Variants in SLC39A10 observed in about 807,000 individuals in gnomAD.
The protein encoded by SLC39A10 is zinc transporter ZIP10.
Under a neutral mutation model 65.1 loss-of-function variants are expected in SLC39A10, and 13 were observed. The observed-to-expected ratio is 0.20, with a 90% CI of 0.13 to 0.32. The LOEUF (loss-of-function observed/expected upper bound fraction) is 0.32, where lower values mean the gene tolerates loss of function less well. Ranked by LOEUF, SLC39A10 falls within the 10% of genes least tolerant of loss-of-function variation. SLC39A10 has a pLI of 1.00. For missense variants in SLC39A10, 831 were observed against 1,018.4 expected (o/e 0.82, Z 2.50); for synonymous variants, 321 against 342.2 (o/e 0.94, Z 0.68).
chr2:195,662,253 T>A (rs1330608971), intron 1 of SLC39A10, among the ~76,000 whole-genome samples: 1 of 151,726 alleles, frequency 6.6e-6, no homozygotes, highest in Non-Finnish European at 1.5e-5. Flanking sequence ...ATCAGAGATA[T>A]GTATCCTACT....
chr2:195,660,668 T>C (rs1689358401), intron 1 of SLC39A10, among the ~76,000 whole-genome samples: 1 of 152,170 alleles, frequency 6.6e-6, no homozygotes, highest in Non-Finnish European at 1.5e-5. Flanking sequence ...GTTTTCCAAA[T>C]AGGGGTGAAT....
At chr2:195,623,929 A>G (rs1188212152) in intron 2 of SLC39A10, among the ~76,000 whole-genome samples, 2 of 151,874 alleles carry the variant, frequency 1.3e-5, no homozygotes, top group African/African-American at 4.8e-5. Context: ...ACACACACAC[A>G]CACACACACA....
At chr2:195,702,119 G>T (rs1319448967) in intron 3 of SLC39A10, among the ~76,000 whole-genome samples, 3 of 152,130 alleles carry the variant, frequency 2.0e-5, no homozygotes, top group Non-Finnish European at 4.4e-5. Context: ...AAAGAAGGGA[G>T]GAAAAAGAGG....
chr2:195,696,577 T>C (rs1214331003), intron 3 of SLC39A10, among the ~76,000 whole-genome samples: 1 of 152,082 alleles, frequency 6.6e-6, no homozygotes, highest in East Asian at 1.9e-4. Context: ...ATATTATAAA[T>C]TACAGTTGGC....
intron 2 of SLC39A10, among the ~76,000 whole-genome samples, chr2:195,616,233 G>A (rs1486510210): frequency 1.3e-5 from 2 of 152,138 alleles, no homozygotes; most frequent in African/African-American, 2.4e-5. Flanking sequence ...AGGATTACAG[G>A]CGTGAGCCAC....
chr2:195,648,097 A>G (rs553556381), intron 2 of SLC39A10, among the ~76,000 whole-genome samples: 1 of 152,284 alleles, frequency 6.6e-6, no homozygotes, highest in South Asian at 2.1e-4. Context: ...GGCTCCAGTG[A>G]TCCTCTTGCT....
At chr2:195,689,787 C>A (rs10188749) in intron 3 of SLC39A10, among the ~76,000 whole-genome samples, 16 of 152,146 alleles carry the variant, frequency 1.1e-4, no homozygotes, top group Non-Finnish European at 2.1e-4. Flanking sequence ...GATTAAGCAT[C>A]TCATATAAAT....
At chr2:195,656,111 G>A (rs1689138676), upstream of SLC39A10, among the ~76,000 whole-genome samples, 1 of 152,036 alleles carries the variant, frequency 6.6e-6, no homozygotes, top group Non-Finnish European at 1.5e-5. Flanking sequence ...TGCTGTTCAT[G>A]GTTTTATTTT....
At chr2:195,693,613 A>G (rs1418751632) in intron 3 of SLC39A10, among the ~76,000 whole-genome samples, 1 of 152,044 alleles carries the variant, frequency 6.6e-6, no homozygotes, top group African/African-American at 2.4e-5. Flanking sequence ...AGTCTTGAGT[A>G]ATAATCTTTT....
Position 195,716,931 on chromosome 2 carries a change from C to T in SLC39A10, c.1991C>T (p.Thr664Ile), listed in dbSNP as rs774374730. The T allele has an allele frequency of 6.8e-6, 11 of 1,614,186 alleles. No individual in the cohort carries two copies. Among genetic ancestry groups the T allele is most frequent in the Non-Finnish European group, 8.5e-6 (10 of 1,180,028 alleles). Residue 664 changes from threonine to isoleucine, a missense_variant, in exon 7 of 10, where the codon ACA (threonine) becomes ATA (isoleucine). By Grantham distance (89) the Thr-to-Ile change is moderately conservative (BLOSUM62 -1). Coordinates refer to ENST00000359634, the MANE Select transcript of SLC39A10 (RefSeq NM_020342.3). ...PCHSGSDLKE[T>I]GIANIAWMVI... ...CATTCTGGATCCGATCTGAAAGAAA[C>T]AGGAATAGCTAATATAGCCTGGATG...
rs748946332 is a variant in SLC39A10 at position 195,706,676 on chromosome 2, T to C, written c.1277T>C (p.Ile426Thr). 4.5e-5 allele frequency: 72 copies of C among 1,610,540 alleles called. No individual in the cohort carries two copies. Among genetic ancestry groups the C allele is most frequent in the Non-Finnish European group, 5.6e-5 (66 of 1,178,382 alleles). Residue 426 changes from isoleucine (I) to threonine (T), a missense_variant, in exon 4 of 10, where the codon ATC becomes ACC. By Grantham distance (89) the Ile-to-Thr change is moderately conservative. Coordinates refer to ENST00000359634, the MANE Select transcript of SLC39A10 (RefSeq NM_020342.3). ...AGCCTGCTTTCCTTGCTAGGCGTGA[T>C]CTTGGTTCCTATCATTAACCAAGGA... ...VISLLSLLGV[I>T]LVPIINQGCF...
intron 2 of SLC39A10, among the ~76,000 whole-genome samples, chr2:195,618,556 A>G (rs1209481949): frequency 6.6e-6 from 1 of 152,212 alleles, no homozygotes; most frequent in African/African-American, 2.4e-5. Context: ...CCTCCGCTTC[A>G]TGGTAGGCAT....
At chr2:195,704,787 T>TTTG (rs1322582668) in intron 3 of SLC39A10, among the ~76,000 whole-genome samples, 4 of 147,584 alleles carry the variant, frequency 2.7e-5, no homozygotes, top group African/African-American at 7.7e-5. Context: ...CCTGTGTTTT[T>TTTG]TTGTTGTTGT....
At chr2:195,666,767 G>A (rs1299039509) in intron 1 of SLC39A10, among the ~76,000 whole-genome samples, 1 of 152,192 alleles carries the variant, frequency 6.6e-6, no homozygotes, top group African/African-American at 2.4e-5. Flanking sequence ...TGGCTGGTTA[G>A]CACTGTAAGT....
At chr2:195,717,445 C>G (rs542442659) in intron 7 of SLC39A10, 1 of 154,554 alleles carries the variant, frequency 6.5e-6, no homozygotes, top group South Asian at 2.0e-4. Flanking sequence ...CTAGAGTAAA[C>G]GGATATTACC....
At chr2:195,630,144 G>GTT (rs1350242402) in intron 2 of SLC39A10, among the ~76,000 whole-genome samples, 3,112 of 122,914 alleles carry the variant, frequency 0.025, 136 homozygotes, top group African/African-American at 0.075. Flanking sequence ...TATGGTTTGG[G>GTT]TTTTTTTTTT....
intron 2 of SLC39A10, among the ~76,000 whole-genome samples, chr2:195,616,214 C>T (rs1688203573): frequency 6.6e-6 from 1 of 152,126 alleles, no homozygotes; most frequent in Admixed American, 6.5e-5. Context: ...CTCGGCCTCC[C>T]AAAGTGTTAG....
In SLC39A10 at chr2:195,683,782, C is replaced by T. The variant is rs1414771576; in HGVS notation, c.1092C>T (p.Cys364=). The T allele has an allele frequency of 6.2e-7, 1 of 1,613,158 alleles. No homozygotes were observed. The highest frequency in any genetic ancestry group is 1.3e-5 in the African/African-American group (1 of 74,872). ...PISTDLFTYL[C]PALLYQIDSR... is the part of the protein sequence containing the mutation. ...CAACTGATTTATTTACATACCTTTGCCCTGCATTGTTATATCAAATCGACA... is the reference window on the plus strand; with the variant it reads ...CAACTGATTTATTTACATACCTTTGTCCTGCATTGTTATATCAAATCGACA... The change falls in exon 3 of 10, where the codon TGC becomes TGT. Residue 364 remains cysteine (C), a synonymous_variant. Transcript: ENST00000359634.
chr2:195,724,143 AAT>A (rs1692148722), intron 8 of SLC39A10, among the ~76,000 whole-genome samples: 1 of 152,234 alleles, frequency 6.6e-6, no homozygotes, highest in South Asian at 2.1e-4. Flanking sequence ...AGAACCTTAA[AAT>A]ATATACATGT....
Sources: gnomAD v4.1 joint callset for allele counts (sites outside exome capture counted in the v4.1 genomes callset) on GRCh38, gnomAD v4.1.1 for gene constraint, MANE v1.5 for transcripts, NCBI Gene and HGNC (gene_info 2026-07-23, HGNC 2026-07-21) for gene names.